RYR2: variants seen among roughly 807,000 people sequenced by gnomAD.
The protein encoded by RYR2 is cardiac muscle ryanodine receptor-calcium release channel.
Under a neutral mutation model 601.1 loss-of-function variants are expected in RYR2, and 227 were observed. The ratio of observed to expected loss-of-function variants is 0.38; its 90% confidence interval spans 0.34 to 0.42. RYR2 has a LOEUF of 0.42. Among genes scored for constraint, RYR2 ranks in the 10% least tolerant of loss-of-function variants. The pLI is 1.00. For missense variants in RYR2, 4,646 were observed against 6,156.5 expected, an observed-to-expected ratio of 0.75 and a Z score of 8.21; for synonymous variants, 2,223 against 2,175.1, an observed-to-expected ratio of 1.02 and a Z score of -0.61.
chr1:237,675,794 C>G (rs1385732646), intron 60 of RYR2, among the ~76,000 whole-genome samples: 1 of 152,024 alleles, frequency 6.6e-6, no homozygotes, highest in African/African-American at 2.4e-5. Context: ...CTCTTGTATC[C>G]TAAATGTGAT....
chr1:237,737,336 C>T (rs993833979), intron 79 of RYR2, among the ~76,000 whole-genome samples: 12 of 152,312 alleles, frequency 7.9e-5, no homozygotes, highest in Middle Eastern at 3.4e-3. Context: ...GCTTGCACCA[C>T]GCAGTTTGTT....
chr1:237,202,308 C>T (rs1572185861), intron 1 of RYR2, among the ~76,000 whole-genome samples: 1 of 152,230 alleles, frequency 6.6e-6, no homozygotes, highest in Admixed American at 6.5e-5. Context: ...CTTTTTGAGT[C>T]TGAGCACTTG....
intron 4 of RYR2, among the ~76,000 whole-genome samples, chr1:237,359,100 G>A (rs977727560): frequency 2.0e-5 from 3 of 152,008 alleles, no homozygotes; most frequent in African/African-American, 2.4e-5. Flanking sequence ...TGAAAATATC[G>A]TAAGCCAAAA....
Position 237,566,588 on chromosome 1 carries a change from G to A in RYR2, c.3236G>A (p.Ser1079Asn). The A allele has an allele frequency of 6.2e-7, 1 of 1,613,968 alleles. No individual in the cohort carries two copies. Among genetic ancestry groups the A allele is most frequent in the Non-Finnish European group, 8.5e-7 (1 of 1,179,862 alleles). ...QDHAARAEVC[S>N]GTGERFRIFR... ...CCAGCAGCCAGAGCCGAAGTGTGCAGCGGCACCGGGGAAAGGTTCCGAATC... is the reference window on the plus strand; with the variant it reads ...CCAGCAGCCAGAGCCGAAGTGTGCAACGGCACCGGGGAAAGGTTCCGAATC... Residue 1079 changes from serine to asparagine, a missense_variant, in exon 28 of 105, where the codon AGC (serine) becomes AAC (asparagine). Around this residue, in one of 17 missense-constraint regions of RYR2, gnomAD observed 1,807 missense variants for 2,088.1 expected, o/e 0.87. Transcript: ENST00000366574.
chr1:237,093,765 C>A (rs1667217530), intron 1 of RYR2, among the ~76,000 whole-genome samples: 1 of 152,164 alleles, frequency 6.6e-6, no homozygotes, highest in African/African-American at 2.4e-5. Context: ...TTAATCGATT[C>A]TTTTGCTTAG....
chr1:237,559,822 T>C (rs1671276728), intron 27 of RYR2, among the ~76,000 whole-genome samples: 1 of 152,228 alleles, frequency 6.6e-6, no homozygotes, highest in South Asian at 2.1e-4. Flanking sequence ...CTTATTGTCA[T>C]TGTTGTTTGC....
chr1:237,549,628 CTTTTTTTTT>C (rs57579159), intron 26 of RYR2, among the ~76,000 whole-genome samples: 16 of 77,734 alleles, frequency 2.1e-4, no homozygotes, highest in East Asian at 7.7e-4. Context: ...CCATAGCTTT[CTTTTTTTTT>C]TTTTTTTTTT....
chr1:237,299,540 G>A (rs765343936), intron 2 of RYR2, among the ~76,000 whole-genome samples: 1 of 152,308 alleles, frequency 6.6e-6, no homozygotes, highest in East Asian at 1.9e-4. Context: ...TTCTGGGCCA[G>A]AAGAGGTTTC....
intron 1 of RYR2, among the ~76,000 whole-genome samples, chr1:237,161,888 A>G (rs1676054287): frequency 6.6e-6 from 1 of 152,108 alleles, no homozygotes; most frequent in Non-Finnish European, 1.5e-5. Context: ...TGGTTCCAAA[A>G]CCCACCTGTT....
intron 77 of RYR2, among the ~76,000 whole-genome samples, chr1:237,731,545 T>C (rs1206453458): frequency 6.6e-6 from 1 of 152,100 alleles, no homozygotes; most frequent in Non-Finnish European, 1.5e-5. Context: ...TGACTCAGGA[T>C]TTTATTGCAA....
At chr1:237,788,796 AAAC>A (rs1308398357) in intron 92 of RYR2, among the ~76,000 whole-genome samples, 1 of 152,084 alleles carries the variant, frequency 6.6e-6, no homozygotes, top group Non-Finnish European at 1.5e-5. Context: ...CATATTTGGA[AAAC>A]AAAAGGTATA....
chr1:237,248,363 G>A (rs531758041), intron 1 of RYR2, among the ~76,000 whole-genome samples: 1 of 142,532 alleles, frequency 7.0e-6, no homozygotes, highest in Non-Finnish European at 1.5e-5. Context: ...TACTGCTTTG[G>A]GTTGTGCATT....
chr1:237,474,628 A>C (rs1201309072), intron 17 of RYR2, among the ~76,000 whole-genome samples: 2 of 152,102 alleles, frequency 1.3e-5, no homozygotes, highest in Non-Finnish European at 2.9e-5. Flanking sequence ...GCGGGTGCCC[A>C]TGTTGCCCCA....
intron 65 of RYR2, 79 bp downstream of exon 65, chr1:237,700,546 C>T (rs978454647): frequency 3.7e-5 from 26 of 700,014 alleles, no homozygotes; most frequent in Non-Finnish European, 5.6e-5. Flanking sequence ...GTAATAGCCA[C>T]ATCTGGGTTA....
Position 237,784,980 on chromosome 1 carries a change from A to T in RYR2, c.13260+8A>T, listed in dbSNP as rs1236230752. ...GTGCAGGAAAAATTTCAGGTAATTT[A>T]TCTCTAAGTCACAGCAGCATTCTCT... On this transcript the variant is annotated splice_region_variant and intron_variant, in intron 90 of 104. Coordinates refer to ENST00000366574, the MANE Select transcript of RYR2 (RefSeq NM_001035.3). This position sits in a 1 kb window ranked among gnomAD's most constrained non-coding sequence, Gnocchi z 7.1. 6.4e-7 allele frequency: 1 copy of T among 1,555,400 alleles called. No individual in the cohort carries two copies. The highest frequency in any genetic ancestry group is 8.7e-7 in the Non-Finnish European group (1 of 1,146,592).
intron 1 of RYR2, among the ~76,000 whole-genome samples, chr1:237,146,580 T>C (rs1198083655): frequency 1.3e-5 from 2 of 152,226 alleles, no homozygotes; most frequent in Admixed American, 1.3e-4. Flanking sequence ...CTGTTTTTCT[T>C]GACTAGTTCA....
Position 237,635,012 on chromosome 1 carries a change from T to A in RYR2, c.6792+20T>A. ...GAAAAGGTGAGCAATGTTCCTGCCC[T>A]GTGTGTTTGTCTGAATTATGCTTTT... On this transcript the variant is annotated intron_variant, in intron 44 of 104. Transcript: ENST00000366574. 1 of 1,466,708 alleles carries A rather than the reference T, an allele frequency of 6.8e-7. No homozygotes were observed. The highest frequency in any genetic ancestry group is 9.2e-7 in the Non-Finnish European group (1 of 1,084,792). 90.9% of individuals were successfully genotyped at this position (1,466,708 alleles called of 1,614,324 possible).
chr1:237,712,836 C>T (rs1688957259), intron 71 of RYR2, among the ~76,000 whole-genome samples: 1 of 152,046 alleles, frequency 6.6e-6, no homozygotes, highest in African/African-American at 2.4e-5. Context: ...TGTTTAATTC[C>T]TGCTAAATGA....
chr1:237,206,690 A>AT (rs1473636240), intron 1 of RYR2, among the ~76,000 whole-genome samples: 2 of 152,162 alleles, frequency 1.3e-5, no homozygotes, highest in Non-Finnish European at 2.9e-5. Context: ...TTAATTCCCT[A>AT]TTGTGAACTA....
Sources: allele counts gnomAD v4.1 joint callset (sites outside exome capture counted in the v4.1 genomes callset), GRCh38; gene constraint gnomAD v4.1.1; regional missense constraint gnomAD v4.1.1; non-coding constraint Gnocchi (gnomAD v3.1); transcripts MANE v1.5; gene names NCBI Gene and HGNC (gene_info 2026-07-23, HGNC 2026-07-21).